Variants in TEX11 observed in about 807,000 individuals in gnomAD.
The protein encoded by TEX11 is testis-expressed protein 11.
A neutral mutation model predicts 84.4 loss-of-function variants in TEX11; 7 were observed. That is an observed-to-expected ratio of 0.08 (90% CI 0.05 to 0.16). TEX11 has a LOEUF of 0.16. TEX11 is among the 10% of genes least tolerant of loss of function. TEX11 has a pLI of 1.00. For synonymous variants in TEX11, 264 were observed against 222.8 expected (o/e 1.18, Z -1.64); for missense variants, 551 against 660.5 (o/e 0.83, Z 1.82).
intron 4 of TEX11, among the ~76,000 whole-genome samples, chrX:70,866,934 C>G (rs773590299): frequency 1.8e-5 from 2 of 112,038 alleles, no homozygotes; most frequent in East Asian, 5.6e-4. Flanking sequence ...TGGGCAAAAG[C>G]TGGAAGCTTT....
chrX:70,659,738 A>G (rs2089907378), intron 16 of TEX11, among the ~76,000 whole-genome samples: 1 of 112,510 alleles, frequency 8.9e-6, no homozygotes, highest in Non-Finnish European at 1.9e-5. Context: ...AGGAACTCAA[A>G]AAGATACTTG....
intron 8 of TEX11, among the ~76,000 whole-genome samples, chrX:70,827,651 C>G (rs2091354383): frequency 9.0e-6 from 1 of 111,582 alleles, no homozygotes. Context: ...GACTCCTCTG[C>G]CTGTGGAAAG....
In TEX11 at chrX:70,529,033, CA is replaced by C; in HGVS notation, c.*61del. 4 of 970,735 alleles carry C rather than the reference CA, an allele frequency of 4.1e-6. No individual in the cohort carries two copies. The highest frequency in any genetic ancestry group is 5.8e-6 in the Non-Finnish European group (4 of 689,152). 80.0% of individuals were successfully genotyped at this position (970,735 alleles called of 1,213,427 possible). A position where few individuals can be genotyped will look rare whatever the true frequency, so the allele number is the denominator to read the frequency against. Reference sequence around the variant, plus strand: ...AACAAAAGCTCAAGAGAAACTCTGGCAAAAATTTAAACAGTCAGCATCTCGG... The same window carrying C: ...AACAAAAGCTCAAGAGAAACTCTGGCAAAATTTAAACAGTCAGCATCTCGG... On this transcript the variant is annotated 3_prime_UTR_variant, in exon 30 of 30. Transcript: ENST00000374333.
chrX:70,671,882 T>TAG (rs2090025899), intron 15 of TEX11, among the ~76,000 whole-genome samples: 3 of 14,643 alleles, frequency 2.0e-4, no homozygotes, highest in South Asian at 4.6e-3. Flanking sequence ...ATTGTTTTGA[T>TAG]ATATATATAT....
chrX:70,873,385 A>G, intron 3 of TEX11, 78 bp from the exon 4 acceptor site: 1 of 681,555 alleles, frequency 1.5e-6, no homozygotes. Flanking sequence ...TGAATGTTGT[A>G]TGCTTATGTA....
intron 5 of TEX11, among the ~76,000 whole-genome samples, chrX:70,854,700 C>T (rs1403036861): frequency 1.9e-5 from 2 of 106,270 alleles, no homozygotes; most frequent in Non-Finnish European, 3.9e-5. Context: ...CATGCCACTG[C>T]ACTCCAGCCT....
intron 9 of TEX11, among the ~76,000 whole-genome samples, chrX:70,752,462 T>C (rs1461800411): frequency 1.2e-4 from 12 of 99,597 alleles, no homozygotes; most frequent in African/African-American, 3.8e-4. Context: ...GGGGCGGAGA[T>C]TGCAGTGAGC....
intron 13 of TEX11, among the ~76,000 whole-genome samples, chrX:70,718,395 A>G (rs1399510596): frequency 8.9e-6 from 1 of 112,481 alleles, no homozygotes; most frequent in Non-Finnish European, 1.9e-5. Context: ...ATTTCAGCAC[A>G]GAAAAGTAAG....
chrX:70,836,327 A>G (rs917832261), intron 7 of TEX11, among the ~76,000 whole-genome samples: 1 of 111,276 alleles, frequency 9.0e-6, no homozygotes, highest in Non-Finnish European at 1.9e-5. Context: ...AAAGAAATCA[A>G]TCAACTGGAC....
chrX:70,603,632 A>G (rs1053353018), intron 24 of TEX11, among the ~76,000 whole-genome samples: 4 of 111,784 alleles, frequency 3.6e-5, no homozygotes, highest in South Asian at 3.8e-4. Context: ...CATTCAGGAC[A>G]TAGGCATGGG....
intron 7 of TEX11, among the ~76,000 whole-genome samples, chrX:70,849,320 T>C (rs941211017): frequency 8.9e-6 from 1 of 112,161 alleles, no homozygotes; most frequent in Non-Finnish European, 1.9e-5. Context: ...GAACACTGCA[T>C]GTAGATCACT....
intron 5 of TEX11, among the ~76,000 whole-genome samples, chrX:70,855,198 GATATA>G (rs1419816270): frequency 9.0e-6 from 1 of 110,957 alleles, no homozygotes; most frequent in Admixed American, 9.7e-5. Flanking sequence ...GAGGTAACAT[GATATA>G]ATATGAGATA....
At chrX:70,800,676 T>C (rs1229278100) in intron 9 of TEX11, among the ~76,000 whole-genome samples, 1 of 98,133 alleles carries the variant, frequency 1.0e-5, no homozygotes, top group Non-Finnish European at 2.0e-5. Context: ...TCCTTCTTCC[T>C]ATTTCATGTG....
chrX:70,675,058 A>G (rs1329946364), intron 15 of TEX11, among the ~76,000 whole-genome samples: 1 of 111,256 alleles, frequency 9.0e-6, no homozygotes, highest in Non-Finnish European at 1.9e-5. Flanking sequence ...CACTTATGGT[A>G]TACTTCCATT....
In TEX11 at chrX:70,551,068, C is replaced by T. The variant is rs184820316; in HGVS notation, c.2520+1058G>A. ...CTATACACAATGGAGTACTATTCAG[C>T]CATAAAAAAAATAAGATCCAGTCAC... On this transcript the variant is annotated intron_variant, in intron 28 of 29. Coordinates refer to ENST00000374333, the MANE Select transcript of TEX11 (RefSeq NM_031276.3). Among the ~76,000 whole-genome samples the T allele has an allele frequency of 9.0e-5, 10 of 111,081 alleles. No individual in the cohort carries two copies. The East Asian group carries it at 2.8e-3, about 31-fold the overall frequency.
intron 8 of TEX11, 66 bp downstream of exon 8, chrX:70,833,447 A>C: frequency 1.1e-6 from 1 of 923,200 alleles, no homozygotes; most frequent in Non-Finnish European, 1.6e-6. Context: ...ATGAAGTAGT[A>C]ATGATTCTTC....
chrX:70,894,123 C>G (rs1404858799), intron 2 of TEX11, among the ~76,000 whole-genome samples: 2 of 110,119 alleles, frequency 1.8e-5, no homozygotes, highest in Admixed American at 1.9e-4. Context: ...GACAGATTCA[C>G]AGCTGAATTC....
chrX:70,707,661 T>C (rs1421531281), intron 13 of TEX11, among the ~76,000 whole-genome samples: 1 of 111,613 alleles, frequency 9.0e-6, no homozygotes, highest in Admixed American at 9.6e-5. Flanking sequence ...TTTATTATAG[T>C]AGGCTATAAA....
chrX:70,860,889 C>A lies in TEX11; in HGVS notation c.292G>T (p.Ala98Ser), dbSNP rs1423488984. The A allele has an allele frequency of 4.2e-6, 5 of 1,190,755 alleles. No individual in the cohort carries two copies. The highest frequency in any genetic ancestry group is 4.5e-6 in the Non-Finnish European group (4 of 887,645). Residue 98 changes from alanine (A) to serine (S), a missense_variant, in exon 5 of 30, where the codon GCC becomes TCC. Ala to Ser is a moderately conservative substitution (Grantham distance 99, BLOSUM62 1). Coordinates refer to ENST00000374333, the MANE Select transcript of TEX11 (RefSeq NM_031276.3). ...KLLSMCEASF[A>S]SEQSIQRLIM... is the part of the protein sequence containing the mutation. ...AGTCGTTGAATACTTTGTTCTGAGG[C>A]AAATGAGGCTTCACACATACTCAGC...
Sources: gnomAD v4.1 joint callset for allele counts (sites outside exome capture counted in the v4.1 genomes callset) on GRCh38, gnomAD v4.1.1 for gene constraint, MANE v1.5 for transcripts, NCBI Gene and HGNC (gene_info 2026-07-23, HGNC 2026-07-21) for gene names.